Variants in CABCOCO1 observed in about 807,000 individuals in gnomAD.
CABCOCO1 encodes the protein ciliary-associated calcium-binding coiled-coil protein 1.
In CABCOCO1, 28 loss-of-function variants were observed where a neutral mutation model predicts 35.7. That is an observed-to-expected ratio of 0.78 (90% confidence interval 0.58 to 1.07). The LOEUF is 1.07. CABCOCO1 is among the 50% of genes least tolerant of loss of function. The pLI is 0.00. For missense variants in CABCOCO1, 326 were observed against 309.2 expected, an observed-to-expected ratio of 1.05 and a Z score of -0.41; for synonymous variants, 95 against 100.1, an observed-to-expected ratio of 0.95 and a Z score of 0.30.
At chr10:61,713,024 T>C (rs1840770256) in intron 5 of CABCOCO1, among the ~76,000 whole-genome samples, 1 of 152,238 alleles carries the variant, frequency 6.6e-6, no homozygotes, top group African/African-American at 2.4e-5. Context: ...TTAAAGTAGC[T>C]TTTTCCAATT....
At chr10:61,681,057 G>C in intron 2 of CABCOCO1, 86 bp from the exon 3 acceptor site, 3 of 835,002 alleles carry the variant, frequency 3.6e-6, no homozygotes, top group Non-Finnish European at 3.3e-6. Flanking sequence ...GGGCATTAAA[G>C]AAAAAGACCT....
intron 6 of CABCOCO1, among the ~76,000 whole-genome samples, 162 bp downstream of exon 6, chr10:61,760,343 T>G (rs369576912): frequency 6.6e-6 from 1 of 152,060 alleles, no homozygotes; most frequent in African/African-American, 2.4e-5. Flanking sequence ...AGTCCGCTGA[T>G]GGTAGTTCAG....
At chr10:61,691,552 G>T (rs984603773) in intron 5 of CABCOCO1, among the ~76,000 whole-genome samples, 2 of 152,060 alleles carry the variant, frequency 1.3e-5, no homozygotes, top group African/African-American at 4.8e-5. Context: ...GTGCAGGTTT[G>T]TTACATAGGT....
chr10:61,663,713 C>T (rs1046421883), intron 1 of CABCOCO1, among the ~76,000 whole-genome samples: 8 of 152,116 alleles, frequency 5.3e-5, no homozygotes, highest in African/African-American at 1.9e-4. Context: ...AAAGGTTGAT[C>T]TTTAGGCCCC....
At chr10:61,675,431 G>A (rs1839484000) in intron 2 of CABCOCO1, among the ~76,000 whole-genome samples, 1 of 152,138 alleles carries the variant, frequency 6.6e-6, no homozygotes. Context: ...AATGGTATTA[G>A]GGAAAGTGGT....
chr10:61,715,398 A>C (rs1030417900), intron 5 of CABCOCO1, among the ~76,000 whole-genome samples: 1 of 151,854 alleles, frequency 6.6e-6, no homozygotes, highest in African/African-American at 2.4e-5. Flanking sequence ...TTTTGAGCTT[A>C]TGTGCATCTT....
chr10:61,729,323 A>G (rs1410977639), intron 5 of CABCOCO1, among the ~76,000 whole-genome samples: 1 of 152,156 alleles, frequency 6.6e-6, no homozygotes, highest in African/African-American at 2.4e-5. Context: ...AGACATTTCT[A>G]CAATGAAGAC....
At chr10:61,665,393 C>T (rs1839134005) in intron 1 of CABCOCO1, among the ~76,000 whole-genome samples, 1 of 152,128 alleles carries the variant, frequency 6.6e-6, no homozygotes, top group African/African-American at 2.4e-5. Context: ...GGAAATGCCT[C>T]CCTTTACATG....
At chr10:61,665,679 A>G (rs1397836735) in intron 1 of CABCOCO1, among the ~76,000 whole-genome samples, 4 of 151,900 alleles carry the variant, frequency 2.6e-5, no homozygotes, top group Non-Finnish European at 4.4e-5. Context: ...CGAGGTCAGG[A>G]GATCGAGACC....
intron 5 of CABCOCO1, among the ~76,000 whole-genome samples, chr10:61,719,752 T>G (rs1455997960): frequency 6.6e-6 from 1 of 151,766 alleles, no homozygotes; most frequent in African/African-American, 2.4e-5. Context: ...AAACCCCGTC[T>G]CTAACAGAAA....
At chr10:61,735,281 A>G (rs1404928561) in intron 5 of CABCOCO1, among the ~76,000 whole-genome samples, 4 of 152,138 alleles carry the variant, frequency 2.6e-5, no homozygotes, top group Admixed American at 2.6e-4. Context: ...ATTTAGTATC[A>G]TCAAGAACTT....
At position 61,681,630 on chromosome 10, in the gene CABCOCO1, T is replaced by C. The variant is rs116492896; in HGVS notation, c.334+318T>C. Among the ~76,000 whole-genome samples, 1,281 of 152,230 alleles carry C rather than the reference T, an allele frequency of 8.4e-3. 16 individuals carry two copies. The highest frequency in any genetic ancestry group is 0.028 in the African/African-American group (1,180 of 41,558). Reference sequence around the variant, plus strand: ...TGTGAAATTTTTGTAAATTTAAAACTACACTAAAATTAAAAGTTTATCAGT... The same window carrying C: ...TGTGAAATTTTTGTAAATTTAAAACCACACTAAAATTAAAAGTTTATCAGT... On this transcript the variant is annotated intron_variant, in intron 3 of 7. Coordinates refer to ENST00000648843, the MANE Select transcript of CABCOCO1 (RefSeq NM_001366906.2).
chr10:61,697,885 T>A (rs1001164657), intron 5 of CABCOCO1, among the ~76,000 whole-genome samples: 1 of 152,100 alleles, frequency 6.6e-6, no homozygotes, highest in African/African-American at 2.4e-5. Context: ...GCTTTACAAG[T>A]GTGTTGCTAC....
intron 5 of CABCOCO1, among the ~76,000 whole-genome samples, chr10:61,724,585 A>G (rs1163032482): frequency 6.6e-6 from 1 of 152,210 alleles, no homozygotes; most frequent in East Asian, 1.9e-4. Flanking sequence ...ATTTTATATG[A>G]GTGAACATTC....
At chr10:61,697,195 T>C (rs1840318759) in intron 5 of CABCOCO1, among the ~76,000 whole-genome samples, 1 of 152,108 alleles carries the variant, frequency 6.6e-6, no homozygotes, top group South Asian at 2.1e-4. Context: ...AAGCTTTTCC[T>C]ACCTGAATAT....
At chr10:61,667,041 A>T (rs1045226924) in intron 1 of CABCOCO1, among the ~76,000 whole-genome samples, 1 of 142,358 alleles carries the variant, frequency 7.0e-6, no homozygotes, top group Non-Finnish European at 1.5e-5. Context: ...TATATTATAT[A>T]TAAATTTCAT....
chr10:61,734,769 A>T (rs1210533401), intron 5 of CABCOCO1, among the ~76,000 whole-genome samples: 3 of 152,126 alleles, frequency 2.0e-5, no homozygotes, highest in African/African-American at 7.2e-5. Context: ...CCATTATCAA[A>T]GAGATTGTGA....
intron 5 of CABCOCO1, among the ~76,000 whole-genome samples, chr10:61,722,870 C>G (rs927496761): frequency 6.6e-6 from 1 of 152,022 alleles, no homozygotes; most frequent in Non-Finnish European, 1.5e-5. Flanking sequence ...CTAAATCAAC[C>G]AATACCTATG....
At position 61,695,987 on chromosome 10, in the gene CABCOCO1, T is replaced by C. The variant is rs181507456; in HGVS notation, c.552+5366T>C. ...GATTCCAAACAGAAAGTGAGAGAAATAGAAAGGAATGAAGAGCAAGTGAAA... is the reference window on the plus strand; with the variant it reads ...GATTCCAAACAGAAAGTGAGAGAAACAGAAAGGAATGAAGAGCAAGTGAAA... On this transcript the variant is annotated intron_variant, in intron 5 of 7. Coordinates refer to ENST00000648843, the MANE Select transcript of CABCOCO1 (RefSeq NM_001366906.2). Among the ~76,000 whole-genome samples, 178 of 151,762 alleles carry C rather than the reference T, an allele frequency of 1.2e-3. 2 individuals are homozygous for C. Among genetic ancestry groups the C allele is most frequent in the Non-Finnish European group, 2.1e-3 (143 of 67,888 alleles).
Sources: gnomAD v4.1 joint callset for allele counts (sites outside exome capture counted in the v4.1 genomes callset) on GRCh38, gnomAD v4.1.1 for gene constraint, MANE v1.5 for transcripts, NCBI Gene and HGNC (gene_info 2026-07-23, HGNC 2026-07-21) for gene names.